Variants in STAG1 observed in about 807,000 individuals in gnomAD.
STAG1 encodes STAG1 cohesin complex component.
A neutral mutation model predicts 170.9 loss-of-function variants in STAG1; 26 were observed. That is an observed-to-expected ratio of 0.15 (90% CI 0.11 to 0.21). The LOEUF is 0.21. STAG1 is among the 10% of genes least tolerant of loss of function. The pLI is 1.00. For synonymous variants in STAG1, 514 were observed against 497.7 expected, an observed-to-expected ratio of 1.03 and a Z score of -0.44; for missense variants, 964 against 1,509.5, an observed-to-expected ratio of 0.64 and a Z score of 5.99.
chr3:136,375,678 TGGCAGAGCTGGGCCAGG>T (rs1937557176), intron 23 of STAG1, among the ~76,000 whole-genome samples: 4 of 152,076 alleles, frequency 2.6e-5, no homozygotes, highest in Non-Finnish European at 5.9e-5. Flanking sequence ...GGGGTTTAAA[TGGCAGAGCTGGGCCAGG>T]TGCAGTGGCT....
chr3:136,504,190 T>C (rs1933639695), intron 7 of STAG1, among the ~76,000 whole-genome samples: 1 of 152,170 alleles, frequency 6.6e-6, no homozygotes, highest in African/African-American at 2.4e-5. Flanking sequence ...ATTAAATAAT[T>C]GCTGCTGTCC....
At chr3:136,373,127 T>C (rs1490541500) in intron 23 of STAG1, among the ~76,000 whole-genome samples, 1 of 152,248 alleles carries the variant, frequency 6.6e-6, no homozygotes, top group Non-Finnish European at 1.5e-5. Context: ...TTTTCTAGTT[T>C]ATTTGCATAG....
intron 22 of STAG1, among the ~76,000 whole-genome samples, chr3:136,396,686 C>T (rs1252522199): frequency 1.3e-5 from 2 of 151,400 alleles, no homozygotes; most frequent in Admixed American, 1.3e-4. Flanking sequence ...TGCCACCACA[C>T]CCAGCTAATT....
chr3:136,693,460 T>G (rs1942788050), intron 1 of STAG1, among the ~76,000 whole-genome samples: 1 of 152,210 alleles, frequency 6.6e-6, no homozygotes, highest in Non-Finnish European at 1.5e-5. Flanking sequence ...GCCAAAGAGA[T>G]AAATGAAGAA....
At position 136,399,928 on chromosome 3, in the gene STAG1, TTC is replaced by T. The variant is rs2087270756; in HGVS notation, c.2197-1101_2197-1100del. Among the ~76,000 whole-genome samples the T allele has an allele frequency of 3.3e-5, 5 of 152,236 alleles. No homozygotes were observed. The South Asian group carries it at 1.0e-3, about 32-fold the overall frequency. Reference sequence around the variant, plus strand: ...AAAACTTTCTGAAAAGAAACAAACTTTCTTTTTTTTTTGAGACAGGGTCTCAC... The same window carrying T: ...AAAACTTTCTGAAAAGAAACAAACTTTTTTTTTTTTGAGACAGGGTCTCAC... On this transcript the variant is annotated intron_variant, in intron 21 of 33. Transcript: ENST00000383202.
At chr3:136,674,752 A>G (rs761872428) in intron 1 of STAG1, among the ~76,000 whole-genome samples, 3 of 152,212 alleles carry the variant, frequency 2.0e-5, no homozygotes, top group Non-Finnish European at 4.4e-5. Flanking sequence ...CGCTTTAAAT[A>G]TGTACCATTT....
intron 7 of STAG1, among the ~76,000 whole-genome samples, chr3:136,509,751 G>T (rs1375660186): frequency 6.6e-6 from 1 of 152,160 alleles, no homozygotes; most frequent in Non-Finnish European, 1.5e-5. Context: ...AAACGAAGTC[G>T]AAGGACACTG....
chr3:136,549,389 C>A (rs1048913396), intron 5 of STAG1, among the ~76,000 whole-genome samples: 1 of 152,008 alleles, frequency 6.6e-6, no homozygotes, highest in Non-Finnish European at 1.5e-5. Context: ...CGGCTCACTG[C>A]AACCTCCGTC....
In STAG1 at chr3:136,725,861, T is replaced by C. The variant is rs544162282; in HGVS notation, c.-84+26334A>G. Among the ~76,000 whole-genome samples, 3 of 152,342 alleles carry C rather than the reference T, an allele frequency of 2.0e-5. No homozygotes were observed. The South Asian group carries it at 6.2e-4, about 32-fold the overall frequency. ...AAATTTTAAAAATCAGAACACTTCATTCCCAGTCTTCCCTACTTTAGGACT... is the reference window on the plus strand; with the variant it reads ...AAATTTTAAAAATCAGAACACTTCACTCCCAGTCTTCCCTACTTTAGGACT... On this transcript the variant is annotated intron_variant, in intron 1 of 33. Coordinates refer to ENST00000383202, the MANE Select transcript of STAG1 (RefSeq NM_005862.3).
intron 1 of STAG1, among the ~76,000 whole-genome samples, chr3:136,641,703 A>T (rs369017917): frequency 6.6e-6 from 1 of 152,238 alleles, no homozygotes; most frequent in Non-Finnish European, 1.5e-5. Context: ...GTGATCACAC[A>T]CTGGATCATG....
At chr3:136,636,703 C>T (rs975127570) in intron 1 of STAG1, among the ~76,000 whole-genome samples, 3 of 152,166 alleles carry the variant, frequency 2.0e-5, no homozygotes, top group Non-Finnish European at 4.4e-5. Flanking sequence ...AACTTCTAAA[C>T]AAACACCAAA....
At chr3:136,705,409 AC>A (rs1391511633) in intron 1 of STAG1, among the ~76,000 whole-genome samples, 9 of 151,364 alleles carry the variant, frequency 5.9e-5, no homozygotes, top group East Asian at 5.8e-4. Context: ...ACACACACAC[AC>A]ACACACACAC....
chr3:136,717,352 TAATGAGAAATC>T (rs1943568673), intron 1 of STAG1, among the ~76,000 whole-genome samples: 1 of 152,212 alleles, frequency 6.6e-6, no homozygotes, highest in Admixed American at 6.5e-5. Flanking sequence ...ATTTTGTTAC[TAATGAGAAATC>T]AATTCTAAAT....
chr3:136,563,518 ACACG>A (rs771649992), intron 5 of STAG1, among the ~76,000 whole-genome samples: 2 of 151,566 alleles, frequency 1.3e-5, no homozygotes, highest in Non-Finnish European at 2.9e-5. Flanking sequence ...CGACACACAC[ACACG>A]CACGCACGCA....
At chr3:136,463,355 A>C (rs1031233085) in intron 13 of STAG1, among the ~76,000 whole-genome samples, 2 of 152,192 alleles carry the variant, frequency 1.3e-5, no homozygotes, top group African/African-American at 4.8e-5. Flanking sequence ...TGGAGAGAGG[A>C]CCAGGCCTGC....
chr3:136,597,079 A>G (rs1397709752), intron 4 of STAG1, among the ~76,000 whole-genome samples: 1 of 152,226 alleles, frequency 6.6e-6, no homozygotes, highest in East Asian at 1.9e-4. Flanking sequence ...GTATCTTAAA[A>G]AAAAATTTTT....
chr3:136,464,410 C>A (rs1350656793), intron 13 of STAG1, among the ~76,000 whole-genome samples: 1 of 147,356 alleles, frequency 6.8e-6, no homozygotes, highest in African/African-American at 2.5e-5. Context: ...GCAACAAGAG[C>A]GAAACTCCGT....
chr3:136,373,754 T>G (rs148034382), intron 23 of STAG1, among the ~76,000 whole-genome samples: 25,106 of 152,044 alleles, frequency 0.17, 2,747 homozygotes, highest in Non-Finnish European at 0.24. Flanking sequence ...TTGCTGAGGA[T>G]TGCTTTACTT....
intron 27 of STAG1, 123 bp from the exon 28 acceptor site, chr3:136,357,971 T>G: frequency 2.6e-6 from 2 of 763,432 alleles, no homozygotes; most frequent in African/African-American, 1.8e-5. Flanking sequence ...ATCTGATAAA[T>G]TCAAATAATA....
Sources: gnomAD v4.1 joint callset for allele counts (sites outside exome capture counted in the v4.1 genomes callset) on GRCh38, gnomAD v4.1.1 for gene constraint, MANE v1.5 for transcripts, NCBI Gene and HGNC (gene_info 2026-07-23, HGNC 2026-07-21) for gene names.